SPAG16: variants seen among roughly 807,000 people sequenced by gnomAD.
SPAG16 encodes the protein sperm-associated antigen 16 protein.
SPAG16 carries 86 observed loss-of-function variants against 80.4 expected under a neutral mutation model. That is an observed-to-expected ratio of 1.07 (90% CI 0.90 to 1.28). The LOEUF (loss-of-function observed/expected upper bound fraction) is 1.28, where lower values mean the gene tolerates loss of function less well. Ranked by LOEUF, SPAG16 falls within the 50% of genes most tolerant of loss-of-function variation. SPAG16 has a pLI of 0.00. For synonymous variants in SPAG16, 294 were observed against 265.9 expected, an observed-to-expected ratio of 1.11 and a Z score of -1.03; for missense variants, 870 against 765.3, an observed-to-expected ratio of 1.14 and a Z score of -1.61.
At chr2:213,607,541 TTA>T (rs1275283518) in intron 10 of SPAG16, among the ~76,000 whole-genome samples, 1 of 152,242 alleles carries the variant, frequency 6.6e-6, no homozygotes, top group African/African-American at 2.4e-5. Flanking sequence ...GATTTACTTT[TTA>T]TAAAGGAGAG....
intron 15 of SPAG16, among the ~76,000 whole-genome samples, chr2:214,337,871 A>G (rs532598040): frequency 1.3e-5 from 2 of 152,202 alleles, no homozygotes; most frequent in African/African-American, 4.8e-5. Context: ...AAACAAGACA[A>G]TAAACCAGGT....
chr2:214,062,953 C>A (rs2050349162), intron 13 of SPAG16, among the ~76,000 whole-genome samples: 1 of 152,060 alleles, frequency 6.6e-6, no homozygotes, highest in African/African-American at 2.4e-5. Flanking sequence ...TTTTTAGTAG[C>A]ACATTAAAAT....
chr2:213,844,775 A>G (rs2662655), intron 10 of SPAG16, among the ~76,000 whole-genome samples: 7,707 of 152,262 alleles, frequency 0.051, 648 homozygotes, highest in African/African-American at 0.18. Flanking sequence ...ACAATGTCAT[A>G]AAGTAACTAT....
At chr2:213,901,936 G>T (rs1227374333) in intron 11 of SPAG16, among the ~76,000 whole-genome samples, 3 of 152,136 alleles carry the variant, frequency 2.0e-5, no homozygotes, top group Non-Finnish European at 1.5e-5. Flanking sequence ...CAGACAAGGG[G>T]TTTGTAAATG....
intron 12 of SPAG16, among the ~76,000 whole-genome samples, chr2:213,936,896 A>G (rs1484689897): frequency 6.6e-6 from 1 of 152,202 alleles, no homozygotes; most frequent in East Asian, 1.9e-4. Context: ...GTAGCCAATC[A>G]TAACCCCTGT....
At chr2:213,780,056 A>C (rs1204985389) in intron 10 of SPAG16, among the ~76,000 whole-genome samples, 1 of 152,180 alleles carries the variant, frequency 6.6e-6, no homozygotes, top group Non-Finnish European at 1.5e-5. Flanking sequence ...GACTTTGAAT[A>C]AAATGGTACT....
chr2:213,422,296 C>T (rs995500478), intron 9 of SPAG16: 1 of 701,904 alleles, frequency 1.4e-6, no homozygotes, highest in African/African-American at 1.7e-5. Flanking sequence ...GTGCCCACAG[C>T]AGAAGTTGCT....
intron 10 of SPAG16, among the ~76,000 whole-genome samples, chr2:213,560,033 A>G (rs1282273583): frequency 2.0e-5 from 3 of 152,082 alleles, no homozygotes; most frequent in Admixed American, 6.6e-5. Flanking sequence ...CTGGATATGG[A>G]TACATATGGC....
chr2:214,055,106 T>C (rs942838186), intron 13 of SPAG16, among the ~76,000 whole-genome samples: 2 of 152,148 alleles, frequency 1.3e-5, no homozygotes, highest in East Asian at 1.9e-4. Flanking sequence ...TAGCATAAAA[T>C]AAGATATGTA....
At chr2:214,271,665 C>T (rs561989826) in intron 15 of SPAG16, among the ~76,000 whole-genome samples, 15 of 151,890 alleles carry the variant, frequency 9.9e-5, no homozygotes, top group African/African-American at 2.9e-4. Flanking sequence ...CTGGGCATGG[C>T]GGTGGGTGCC....
At chr2:213,485,554 G>A (rs2073939440) in intron 9 of SPAG16, among the ~76,000 whole-genome samples, 2 of 150,518 alleles carry the variant, frequency 1.3e-5, no homozygotes, top group Admixed American at 6.6e-5. Context: ...TTCCAGTGAT[G>A]CATTTTTTTT....
chr2:213,864,964 A>T (rs555218736), intron 11 of SPAG16, among the ~76,000 whole-genome samples: 1 of 152,084 alleles, frequency 6.6e-6, no homozygotes, highest in African/African-American at 2.4e-5. Flanking sequence ...ACACTTGAGA[A>T]TCCAGCTAAT....
chr2:213,711,304 T>G (rs539791299), intron 10 of SPAG16, among the ~76,000 whole-genome samples: 3 of 152,102 alleles, frequency 2.0e-5, no homozygotes, highest in Non-Finnish European at 4.4e-5. Context: ...GTGATCTGAA[T>G]ATATAAAATA....
intron 11 of SPAG16, among the ~76,000 whole-genome samples, chr2:213,927,815 A>G (rs2078554435): frequency 6.6e-6 from 1 of 152,196 alleles, no homozygotes. Flanking sequence ...TTTTTATCCT[A>G]TGCTAAGATT....
chr2:214,350,169 C>T (rs1698304313), intron 15 of SPAG16, among the ~76,000 whole-genome samples: 1 of 152,090 alleles, frequency 6.6e-6, no homozygotes, highest in South Asian at 2.1e-4. Flanking sequence ...TTTATTTACC[C>T]TGTTTTGGTT....
At chr2:213,694,542 C>T (rs1574839092) in intron 10 of SPAG16, among the ~76,000 whole-genome samples, 2 of 152,148 alleles carry the variant, frequency 1.3e-5, no homozygotes, top group South Asian at 4.1e-4. Flanking sequence ...CTATTCCTAA[C>T]GCCTTGGCCT....
intron 12 of SPAG16, among the ~76,000 whole-genome samples, chr2:213,971,935 T>C (rs1018445020): frequency 1.3e-5 from 2 of 151,740 alleles, no homozygotes; most frequent in African/African-American, 4.8e-5. Flanking sequence ...TAATTGTGTG[T>C]GTGTGTGTGT....
At chr2:214,059,260 G>GTATATATATGTATGTATA in intron 13 of SPAG16, among the ~76,000 whole-genome samples, 1 of 132,992 alleles carries the variant, frequency 7.5e-6, no homozygotes, top group African/African-American at 2.9e-5. Context: ...ATATATGTAT[G>GTATATATATGTATGTATA]TATATATATA....
At chr2:213,920,959 AG>A (rs2078193961) in intron 11 of SPAG16, among the ~76,000 whole-genome samples, 1 of 152,210 alleles carries the variant, frequency 6.6e-6, no homozygotes, top group African/African-American at 2.4e-5. Flanking sequence ...AAGATTCCAG[AG>A]GCCTGTGGCA....
Sources: gnomAD v4.1 joint callset for allele counts (sites outside exome capture counted in the v4.1 genomes callset) on GRCh38, gnomAD v4.1.1 for gene constraint, MANE v1.5 for transcripts, NCBI Gene and HGNC (gene_info 2026-07-23, HGNC 2026-07-21) for gene names.